Variants in TUSC3 observed in about 807,000 individuals in gnomAD.
TUSC3 encodes dolichyl-diphosphooligosaccharide--protein glycosyltransferase subunit TUSC3.
A neutral mutation model predicts 44.8 loss-of-function variants in TUSC3; 45 were observed. That is an observed-to-expected ratio of 1.00 (90% CI 0.79 to 1.29). TUSC3 has a LOEUF of 1.29. TUSC3 is among the 50% of genes most tolerant of loss of function. The pLI, the probability that TUSC3 is intolerant of heterozygous loss-of-function variation, is 0.00. For synonymous variants in TUSC3, 212 were observed against 152.9 expected (o/e 1.39, Z -2.85); for missense variants, 519 against 437.9 (o/e 1.19, Z -1.65).
the TUSC3 span, among the ~76,000 whole-genome samples, chr8:15,828,048 G>A: frequency 6.7e-6 from 1 of 148,286 alleles, no homozygotes; most frequent in African/African-American, 2.5e-5. Context: ...AGGCTGGAGT[G>A]CAGTGGCACG....
intron 2 of TUSC3, among the ~76,000 whole-genome samples, chr8:15,506,738 C>G (rs1384765064): frequency 6.6e-6 from 1 of 152,132 alleles, no homozygotes; most frequent in Non-Finnish European, 1.5e-5. Flanking sequence ...AGTTACCTCC[C>G]ACCAAGTCCC....
chr8:15,680,128 A>G (rs992778060), intron 6 of TUSC3, among the ~76,000 whole-genome samples: 14 of 151,844 alleles, frequency 9.2e-5, no homozygotes, highest in African/African-American at 3.1e-4. Context: ...GTGAAAAATC[A>G]TGATAAATTG....
chr8:15,799,102 C>CA, the TUSC3 span, among the ~76,000 whole-genome samples: 1 of 151,908 alleles, frequency 6.6e-6, no homozygotes, highest in Non-Finnish European at 1.5e-5. Context: ...GGATGCACTG[C>CA]AAAACAAACA....
chr8:15,470,993 G>C (rs1315699836), intron 1 of TUSC3, among the ~76,000 whole-genome samples: 1 of 152,044 alleles, frequency 6.6e-6, no homozygotes, highest in Non-Finnish European at 1.5e-5. Context: ...AAAAATTATG[G>C]TCAAAATTTC....
At chr8:15,508,129 C>T (rs1194954094) in intron 2 of TUSC3, among the ~76,000 whole-genome samples, 8 of 152,096 alleles carry the variant, frequency 5.3e-5, no homozygotes, top group Non-Finnish European at 8.8e-5. Flanking sequence ...GTCCCAGCTA[C>T]TCAGGAACGT....
the TUSC3 span, among the ~76,000 whole-genome samples, chr8:15,805,827 G>C: frequency 6.6e-6 from 1 of 152,202 alleles, no homozygotes; most frequent in East Asian, 1.9e-4. Context: ...TGGCTTGATA[G>C]AATGAGTTAG....
chr8:15,730,614 A>T, intron 6 of TUSC3, 52 bp from the exon 7 acceptor site: 1 of 1,575,574 alleles, frequency 6.3e-7, no homozygotes, highest in East Asian at 2.3e-5. Context: ...AAAACTACAA[A>T]ATAATTATGA....
the TUSC3 span, among the ~76,000 whole-genome samples, chr8:15,833,697 G>T: frequency 5.6e-5 from 8 of 142,836 alleles, no homozygotes; most frequent in East Asian, 1.6e-3. Flanking sequence ...AAAGGTAGAG[G>T]GTGGGAGGAG....
In TUSC3 at chr8:15,456,773, GAGA is replaced by G. The variant is rs757135062; in HGVS notation, n.92-26610_92-26608del. Among the ~76,000 whole-genome samples the G allele has an allele frequency of 1.6e-4, 24 of 152,182 alleles. 1 individual carries two copies. The highest frequency in any genetic ancestry group is 5.3e-4 in the African/African-American group (22 of 41,562). On this transcript the variant is annotated intron_variant and non_coding_transcript_variant, in intron 1 of 5. Transcript: ENST00000503191. The stretch of plus-strand genomic sequence containing the variant: ...GATTAGATTAAGACAAATTCAAACA[GAGA>G]AGGAGAAGAGGAGGAGGAAAAAAAC...
the TUSC3 span, among the ~76,000 whole-genome samples, chr8:15,837,116 G>A: frequency 1.3e-5 from 2 of 152,036 alleles, no homozygotes; most frequent in African/African-American, 4.8e-5. Context: ...TCTACTGTCT[G>A]CTGGCAGTGT....
chr8:15,729,607 C>T (rs898688411), intron 6 of TUSC3, among the ~76,000 whole-genome samples: 2 of 152,048 alleles, frequency 1.3e-5, no homozygotes, highest in Admixed American at 6.6e-5. Flanking sequence ...CAAATTAATG[C>T]AGTAACAGAA....
chr8:15,834,095 C>T, the TUSC3 span, among the ~76,000 whole-genome samples: 1 of 152,002 alleles, frequency 6.6e-6, no homozygotes, highest in South Asian at 2.1e-4. Context: ...TAGTACTCTT[C>T]CCGACTCTCC....
chr8:15,708,035 TA>T (rs1809691336), intron 6 of TUSC3, among the ~76,000 whole-genome samples: 1 of 151,882 alleles, frequency 6.6e-6, no homozygotes, highest in Non-Finnish European at 1.5e-5. Flanking sequence ...CTGTCTCTTA[TA>T]AAGTTATAAA....
intron 1 of TUSC3, among the ~76,000 whole-genome samples, chr8:15,431,207 A>G (rs1585785591): frequency 6.6e-6 from 1 of 151,070 alleles, no homozygotes; most frequent in Non-Finnish European, 1.5e-5. Flanking sequence ...TGTTTTTTCT[A>G]TTTCTTTTTT....
Position 15,765,128 on chromosome 8 carries a change from A to C in TUSC3, c.*972A>C, listed in dbSNP as rs1018600605. On this transcript the variant is annotated 3_prime_UTR_variant, in exon 11 of 11. Transcript: ENST00000503731. ...ATGTTTGTATCCTGTTTTAGTTTAT[A>C]AAGCACTTTCACATACATTATGGTA... 6 of 152,024 alleles carry C rather than the reference A, an allele frequency of 3.9e-5. No homozygotes were observed. The highest frequency in any genetic ancestry group is 1.2e-4 in the African/African-American group (5 of 41,442). 9.4% of individuals were successfully genotyped at this position (152,024 alleles called of 1,614,324 possible). A position where few individuals can be genotyped will look rare whatever the true frequency, so the allele number is the denominator to read the frequency against.
In TUSC3 at chr8:15,621,886, G is replaced by A. The variant is rs1036396562; in HGVS notation, c.139-1194G>A. ...TCTCTGCAGGTTACTATGCTCTTTG[G>A]CCAGCTTACTTTCCTTCCCTTCCTC... On this transcript the variant is annotated intron_variant, in intron 1 of 10. Coordinates refer to ENST00000503731, the MANE Select transcript of TUSC3 (RefSeq NM_006765.4). 9.9e-5 allele frequency among the ~76,000 whole-genome samples: 15 copies of A among 151,552 alleles called. No homozygotes were observed. In the South Asian group the frequency reaches 2.5e-3, roughly 25 times the overall value.
Position 15,460,731 on chromosome 8 carries a change from T to G in TUSC3, n.92-22655T>G, listed in dbSNP as rs140525220. ...TAAGATGAGAGATGAGGATCCAGTT[T>G]CATTCTCCTACATGTGGTTAGACAA... On this transcript the variant is annotated intron_variant and non_coding_transcript_variant, in intron 1 of 5. Transcript: ENST00000503191. 4.9e-3 allele frequency among the ~76,000 whole-genome samples: 745 copies of G among 152,332 alleles called. 7 individuals carry two copies. The highest frequency in any genetic ancestry group is 0.017 in the African/African-American group (717 of 41,580).
chr8:15,435,437 A>C (rs1044809642), intron 1 of TUSC3, among the ~76,000 whole-genome samples: 44 of 152,224 alleles, frequency 2.9e-4, no homozygotes, highest in Admixed American at 2.9e-3. Context: ...AACTTAAGGA[A>C]TATAGTGAAG....
intron 3 of TUSC3, 120 bp downstream of exon 3, chr8:15,650,934 G>A: frequency 3.0e-6 from 3 of 1,002,598 alleles, no homozygotes; most frequent in South Asian, 2.6e-5. Context: ...AGGTTGCAGT[G>A]AGCCGAGATT....
Sources: gnomAD v4.1 joint callset for allele counts (sites outside exome capture counted in the v4.1 genomes callset) on GRCh38, gnomAD v4.1.1 for gene constraint, MANE v1.5 for transcripts, NCBI Gene and HGNC (gene_info 2026-07-23, HGNC 2026-07-21) for gene names.